SORCS3: variants seen among roughly 807,000 people sequenced by gnomAD.
SORCS3 encodes the protein sortilin related VPS10 domain containing receptor 3.
A neutral mutation model predicts 146.3 loss-of-function variants in SORCS3; 57 were observed. The observed-to-expected ratio is 0.39, with a 90% confidence interval of 0.31 to 0.49. The LOEUF (loss-of-function observed/expected upper bound fraction) is 0.49. Ranked by LOEUF, SORCS3 falls within the 20% of genes least tolerant of loss-of-function variation. The pLI is 0.92. For synonymous variants in SORCS3, 653 were observed against 618.5 expected (o/e 1.06, Z -0.83); for missense variants, 1,341 against 1,575.5 (o/e 0.85, Z 2.52).
At chr10:104,702,592 A>G (rs548575709) in intron 1 of SORCS3, among the ~76,000 whole-genome samples, 15 of 152,256 alleles carry the variant, frequency 9.9e-5, no homozygotes, top group African/African-American at 3.4e-4. Context: ...CTGGCAGGAT[A>G]CAGTTTTTAA....
intron 1 of SORCS3, among the ~76,000 whole-genome samples, chr10:104,657,103 TTTC>T (rs2015641411): frequency 6.6e-6 from 1 of 152,180 alleles, no homozygotes; most frequent in South Asian, 2.1e-4. Flanking sequence ...AGCATGTGTG[TTTC>T]TACCTGTTTT....
At chr10:105,023,770 G>A (rs905286300) in intron 4 of SORCS3, among the ~76,000 whole-genome samples, 15 of 151,928 alleles carry the variant, frequency 9.9e-5, no homozygotes, top group Non-Finnish European at 1.9e-4. Flanking sequence ...ATGGTGGGGG[G>A]TGTTGCAAAA....
At chr10:104,899,349 C>G (rs2018829363) in intron 2 of SORCS3, among the ~76,000 whole-genome samples, 1 of 152,174 alleles carries the variant, frequency 6.6e-6, no homozygotes, top group African/African-American at 2.4e-5. Context: ...GTATGGAGTT[C>G]TAGATGTGTT....
intron 14 of SORCS3, among the ~76,000 whole-genome samples, chr10:105,197,366 T>C (rs2119606875): frequency 6.6e-6 from 1 of 152,320 alleles, no homozygotes; most frequent in Middle Eastern, 3.4e-3. Context: ...TTATGTGCCA[T>C]TAAGCACCTT....
chr10:105,172,985 A>G (rs1289360242), intron 13 of SORCS3, among the ~76,000 whole-genome samples: 2 of 152,082 alleles, frequency 1.3e-5, no homozygotes. Flanking sequence ...TGTATTAAGT[A>G]TTCTGCTTTA....
chr10:105,147,423 T>G (rs891641865), intron 8 of SORCS3, among the ~76,000 whole-genome samples, 194 bp from the exon 9 acceptor site: 1 of 152,160 alleles, frequency 6.6e-6, no homozygotes, highest in Non-Finnish European at 1.5e-5. Context: ...ACACCCATTT[T>G]GCTGTCACTT....
intron 4 of SORCS3, among the ~76,000 whole-genome samples, chr10:104,993,367 G>A (rs997745631): frequency 7.2e-5 from 11 of 152,306 alleles, no homozygotes; most frequent in East Asian, 3.9e-4. Context: ...TCTCAGAGCC[G>A]GAGGCAGGAT....
At chr10:104,934,387 T>G (rs1337140630) in intron 3 of SORCS3, among the ~76,000 whole-genome samples, 1 of 152,208 alleles carries the variant, frequency 6.6e-6, no homozygotes, top group Non-Finnish European at 1.5e-5. Flanking sequence ...CTTTATGGAC[T>G]GCAAAGGTAG....
chr10:104,662,706 C>T (rs1227662186), intron 1 of SORCS3, among the ~76,000 whole-genome samples: 1 of 152,152 alleles, frequency 6.6e-6, no homozygotes, highest in African/African-American at 2.4e-5. Flanking sequence ...TGTACTTAAG[C>T]TCTGGTGTTT....
At chr10:104,857,047 A>G (rs2018343081) in intron 2 of SORCS3, among the ~76,000 whole-genome samples, 1 of 149,956 alleles carries the variant, frequency 6.7e-6, no homozygotes, top group Non-Finnish European at 1.5e-5. Context: ...GGAGCAGAAT[A>G]TGAGCTAGGC....
chr10:104,738,077 G>T (rs1480839808), intron 1 of SORCS3, among the ~76,000 whole-genome samples: 7 of 152,070 alleles, frequency 4.6e-5, no homozygotes, highest in Admixed American at 2.0e-4. Context: ...TCAAAGATCA[G>T]ATAGTTGTAG....
chr10:104,881,944 T>C (rs539854241), intron 2 of SORCS3, among the ~76,000 whole-genome samples: 1 of 152,144 alleles, frequency 6.6e-6, no homozygotes, highest in Non-Finnish European at 1.5e-5. Flanking sequence ...AAAAACTCTT[T>C]GCATCTTCAG....
At chr10:104,732,013 T>A (rs2016711780) in intron 1 of SORCS3, among the ~76,000 whole-genome samples, 1 of 152,166 alleles carries the variant, frequency 6.6e-6, no homozygotes, top group African/African-American at 2.4e-5. Context: ...TGGGGAATAT[T>A]TTATAGGGTT....
At chr10:104,836,426 AG>A (rs2018068569) in intron 1 of SORCS3, among the ~76,000 whole-genome samples, 1 of 152,170 alleles carries the variant, frequency 6.6e-6, no homozygotes, top group African/African-American at 2.4e-5. Flanking sequence ...TAAAGGCATT[AG>A]TTGCTGGTGT....
chr10:104,673,112 C>G (rs899268798), intron 1 of SORCS3, among the ~76,000 whole-genome samples: 1 of 151,360 alleles, frequency 6.6e-6, no homozygotes, highest in Non-Finnish European at 1.5e-5. Context: ...GAATTTTTTT[C>G]TCATCTTTTG....
intron 1 of SORCS3, among the ~76,000 whole-genome samples, chr10:104,819,956 C>T (rs1043345567): frequency 6.6e-6 from 1 of 152,294 alleles, no homozygotes; most frequent in South Asian, 2.1e-4. Flanking sequence ...TCCTTAACCA[C>T]TGGGTTTAGA....
At chr10:105,158,783 A>G (rs1023561017) in intron 10 of SORCS3, 109 bp from the exon 11 acceptor site, 11 of 792,688 alleles carry the variant, frequency 1.4e-5, no homozygotes, top group African/African-American at 1.2e-4. Flanking sequence ...TCACCATCCA[A>G]TGCCTTGCTA....
At chr10:104,866,928 A>G (rs2018465395) in intron 2 of SORCS3, among the ~76,000 whole-genome samples, 1 of 152,204 alleles carries the variant, frequency 6.6e-6, no homozygotes, top group Non-Finnish European at 1.5e-5. Flanking sequence ...TGGGTTGTCT[A>G]GAGTCACTGA....
intron 2 of SORCS3, among the ~76,000 whole-genome samples, chr10:104,878,107 G>A (rs2133573368): frequency 6.6e-6 from 1 of 151,490 alleles, no homozygotes; most frequent in South Asian, 2.1e-4. Context: ...TTTTCCATTA[G>A]CTCAGGAACA....
Sources: gnomAD v4.1 joint callset for allele counts (sites outside exome capture counted in the v4.1 genomes callset) on GRCh38, gnomAD v4.1.1 for gene constraint, MANE v1.5 for transcripts, NCBI Gene and HGNC (gene_info 2026-07-23, HGNC 2026-07-21) for gene names.